The following AKAP9 variants were observed in gnomAD, a reference collection of about 807,000 sequenced individuals.
The protein encoded by AKAP9 is A-kinase anchoring protein 9, also known as A-kinase anchor protein 9.
In AKAP9, 311 loss-of-function variants were observed where a neutral mutation model predicts 488.5. The ratio of observed to expected loss-of-function variants is 0.64; its 90% CI spans 0.58 to 0.70. AKAP9 has a LOEUF of 0.70. Ranked by LOEUF, AKAP9 falls within the 30% of genes least tolerant of loss-of-function variation. AKAP9 has a pLI of 0.00. For synonymous variants in AKAP9, 1,462 were observed against 1,483.5 expected (o/e 0.99, Z 0.33); for missense variants, 4,215 against 4,374.5 (o/e 0.96, Z 1.03).
At chr7:91,963,160 T>G (rs1793939813) in intron 1 of AKAP9, among the ~76,000 whole-genome samples, 1 of 152,076 alleles carries the variant, frequency 6.6e-6, no homozygotes, top group Admixed American at 6.6e-5. Flanking sequence ...AGTATTCCAG[T>G]TGGTTTATTT....
rs1159888550 is a variant in AKAP9, at chr7:92,002,523, C to T, written c.2606C>T (p.Ala869Val). 1 of 1,610,226 alleles carries T rather than the reference C, an allele frequency of 6.2e-7. No homozygotes were observed. Among genetic ancestry groups the T allele is most frequent in the Non-Finnish European group, 8.5e-7 (1 of 1,178,264 alleles). Residue 869 changes from alanine (A) to valine (V), a missense_variant, in exon 8 of 50, where the codon GCT (alanine) becomes GTT (valine). This residue lies in a region of AKAP9 where 2,361 missense variants were observed against 2,430.0 expected (regional missense o/e 0.97). Coordinates refer to ENST00000356239, the MANE Select transcript of AKAP9 (RefSeq NM_005751.5). The stretch of plus-strand genomic sequence containing the variant: ...TATCAAGAGTTACAAGAGGAGTATG[C>T]TTGCCTTCTCAAAGTAAAAGATGAT... ...VNYQELQEEY[A>V]CLLKVKDDLE... is the part of the protein sequence containing the mutation.
intron 22 of AKAP9, among the ~76,000 whole-genome samples, chr7:92,053,418 A>G (rs1808304611): frequency 6.6e-6 from 1 of 152,186 alleles, no homozygotes; most frequent in African/African-American, 2.4e-5. Flanking sequence ...ATAAATCAGA[A>G]GTGGTCAGTG....
intron 1 of AKAP9, among the ~76,000 whole-genome samples, chr7:91,947,950 T>C (rs1379408146): frequency 6.6e-6 from 1 of 152,208 alleles, no homozygotes; most frequent in Non-Finnish European, 1.5e-5. Flanking sequence ...TAAGCAGATA[T>C]TCTTCATTGC....
chr7:92,104,510 GCA>G (rs1343743374), intron 46 of AKAP9, among the ~76,000 whole-genome samples: 1 of 152,094 alleles, frequency 6.6e-6, no homozygotes, highest in Admixed American at 6.6e-5. Flanking sequence ...TAAAAATATG[GCA>G]CAGTTTTTTA....
intron 16 of AKAP9, among the ~76,000 whole-genome samples, chr7:92,033,958 G>A (rs1271847315): frequency 6.6e-6 from 1 of 152,088 alleles, no homozygotes; most frequent in Non-Finnish European, 1.5e-5. Flanking sequence ...ATTCCAGTTG[G>A]TACAGATAGA....
chr7:92,110,179 T>C lies in AKAP9; in HGVS notation c.*20T>C. On this transcript the variant is annotated 3_prime_UTR_variant, in exon 50 of 50. Coordinates refer to ENST00000356239, the MANE Select transcript of AKAP9 (RefSeq NM_005751.5). The stretch of plus-strand genomic sequence containing the variant: ...AGATAATCCTTTGAAACATCATTAA[T>C]TGAAGTGATTTTAAATAGATTTCCT... 18 of 1,575,750 alleles carry C rather than the reference T, an allele frequency of 1.1e-5. No homozygotes were observed. The highest frequency in any genetic ancestry group is 1.5e-5 in the Non-Finnish European group (17 of 1,149,636).
At chr7:91,956,045 A>G (rs556587361) in intron 1 of AKAP9, among the ~76,000 whole-genome samples, 100 of 152,340 alleles carry the variant, frequency 6.6e-4, no homozygotes, top group African/African-American at 2.4e-3. Flanking sequence ...CACAAAAAAG[A>G]GTCTTTACTA....
intron 37 of AKAP9, among the ~76,000 whole-genome samples, chr7:92,088,876 T>C (rs914407984): frequency 6.6e-6 from 1 of 152,160 alleles, no homozygotes; most frequent in African/African-American, 2.4e-5. Context: ...TAATATACTA[T>C]GGTAATGCAA....
At chr7:92,058,256 T>C (rs1156821488) in intron 22 of AKAP9, 2 of 588,192 alleles carry the variant, frequency 3.4e-6, no homozygotes, top group Admixed American at 3.8e-5. Flanking sequence ...TGAGGTTGAA[T>C]CTCGCGTGCC....
intron 1 of AKAP9, among the ~76,000 whole-genome samples, chr7:91,944,445 G>A (rs1034186468): frequency 2.0e-5 from 3 of 149,978 alleles, no homozygotes; most frequent in African/African-American, 7.4e-5. Context: ...GGAGTGCAGT[G>A]GCAGGATCTT....
chr7:92,011,828 A>G (rs1413109614), intron 8 of AKAP9, among the ~76,000 whole-genome samples: 1 of 152,232 alleles, frequency 6.6e-6, no homozygotes, highest in East Asian at 1.9e-4. Context: ...AAAAGCAAGT[A>G]GTAGGCAGGG....
Position 91,975,921 on chromosome 7 carries a change from G to GTT in AKAP9, c.306+1955_306+1956dup, listed in dbSNP as rs1186917564. Among the ~76,000 whole-genome samples the GTT allele has an allele frequency of 1.3e-4, 15 of 111,680 alleles. 2 individuals carry two copies. The highest frequency in any genetic ancestry group is 4.2e-4 in the African/African-American group (12 of 28,846). The allele number at this position is 111,680 out of a possible 152,430, so 73.3% of individuals were successfully genotyped here. A position where few individuals can be genotyped will look rare whatever the true frequency, so the allele number is the denominator to read the frequency against. ...TTATTGGTTTGTTTTTTGTTTGTTT[G>GTT]TTTGTTTTTTTTTTTTTTGAGACAA... On this transcript the variant is annotated intron_variant, in intron 2 of 49. Coordinates refer to ENST00000356239, the MANE Select transcript of AKAP9 (RefSeq NM_005751.5).
At position 92,000,852 on chromosome 7, in the gene AKAP9, A is replaced by G. The variant is rs1278236570; in HGVS notation, c.935A>G (p.Gln312Arg). 3 of 1,380,204 alleles carry G rather than the reference A, an allele frequency of 2.2e-6. No individual in the cohort carries two copies. The Admixed American group carries it at 8.8e-5, about 40-fold the overall frequency. The allele number at this position is 1,380,204 out of a possible 1,614,324, so 85.5% of individuals were successfully genotyped here. ...TTTTCATTTTTTTTCCTAAAGGAAC[A>G]AGATAAAAAAGTAGAAAACTCAAAT... Reference protein sequence around the residue: ...QEKIKVYEMEQDKKVENSNKE... With the variant: ...QEKIKVYEMERDKKVENSNKE... Residue 312 changes from glutamine to arginine, a missense_variant, in exon 8 of 50, where the codon CAA becomes CGA. Coordinates refer to ENST00000356239, the MANE Select transcript of AKAP9 (RefSeq NM_005751.5).
chr7:92,008,065 G>A (rs1471858283), intron 8 of AKAP9, among the ~76,000 whole-genome samples: 1 of 152,182 alleles, frequency 6.6e-6, no homozygotes, highest in South Asian at 2.1e-4. Context: ...GATTTTGAAA[G>A]TTTATTATTT....
chr7:92,048,150 T>C (rs1807319156), intron 21 of AKAP9, among the ~76,000 whole-genome samples: 1 of 152,158 alleles, frequency 6.6e-6, no homozygotes, highest in Non-Finnish European at 1.5e-5. Flanking sequence ...TTTTTAAAAA[T>C]GAAAAACTTT....
intron 1 of AKAP9, among the ~76,000 whole-genome samples, chr7:91,959,815 C>G (rs1057440944): frequency 6.6e-6 from 1 of 152,122 alleles, no homozygotes; most frequent in African/African-American, 2.4e-5. Flanking sequence ...CTTTTCCATT[C>G]CTGATTCCCT....
At chr7:91,987,205 G>T (rs879868864) in intron 3 of AKAP9, among the ~76,000 whole-genome samples, 3 of 152,014 alleles carry the variant, frequency 2.0e-5, no homozygotes, top group African/African-American at 2.4e-5. Context: ...ATCACCTGAG[G>T]TTAGGAGTTG....
At chr7:92,070,395 G>A (rs2130842166) in intron 27 of AKAP9, among the ~76,000 whole-genome samples, 189 bp downstream of exon 27, 2 of 142,910 alleles carry the variant, frequency 1.4e-5, no homozygotes, top group Admixed American at 1.4e-4. Flanking sequence ...GTTTTTTGTT[G>A]TTGTTGTTGT....
At chr7:92,105,984 G>T (rs1457067792) in intron 47 of AKAP9, among the ~76,000 whole-genome samples, 2 of 152,230 alleles carry the variant, frequency 1.3e-5, no homozygotes, top group African/African-American at 4.8e-5. Flanking sequence ...CTGCACATGT[G>T]AGGAATCTAG....
Sources: allele counts gnomAD v4.1 joint callset (sites outside exome capture counted in the v4.1 genomes callset), GRCh38; gene constraint gnomAD v4.1.1; regional missense constraint gnomAD v4.1.1; transcripts MANE v1.5; gene names NCBI Gene and HGNC (gene_info 2026-07-23, HGNC 2026-07-21).